GLIS1: variants seen among roughly 807,000 people sequenced by gnomAD.
The protein encoded by GLIS1 is zinc finger protein GLIS1.
Under a neutral mutation model 63.8 loss-of-function variants are expected in GLIS1, and 24 were observed. The ratio of observed to expected loss-of-function variants is 0.38; its 90% CI spans 0.27 to 0.53. The LOEUF (loss-of-function observed/expected upper bound fraction) is 0.53. Ranked by LOEUF, GLIS1 falls within the 20% of genes least tolerant of loss-of-function variation. The pLI is 0.85. For synonymous variants in GLIS1, 450 were observed against 482.5 expected, an observed-to-expected ratio of 0.93 and a Z score of 0.88; for missense variants, 1,036 against 1,074.1, an observed-to-expected ratio of 0.96 and a Z score of 0.50.
In GLIS1 at chr1:53,574,755, G is replaced by T. The variant is rs894842352; in HGVS notation, c.1320+19353C>A. On this transcript the variant is annotated intron_variant, in intron 4 of 10. Coordinates refer to ENST00000628545, the MANE Select transcript of GLIS1 (RefSeq NM_001367484.1). The surrounding 1 kb of genome is among the most constrained non-coding windows in gnomAD (Gnocchi z 4.2). ...ATTCCAGCTGTACCATTAGCAAGGG[G>T]CACTGTGATCCTCATGGGGCCATGG... 5.9e-5 allele frequency among the ~76,000 whole-genome samples: 9 copies of T among 152,210 alleles called. No homozygotes were observed. Among genetic ancestry groups the T allele is most frequent in the African/African-American group, 2.2e-4 (9 of 41,444 alleles).
In GLIS1 at chr1:53,593,970, G is replaced by A. The variant is rs77718260; in HGVS notation, c.1320+138C>T. 2.1e-4 allele frequency: 215 copies of A among 1,035,492 alleles called. No individual in the cohort carries two copies. In the African/African-American group the frequency reaches 3.2e-3, roughly 15 times the overall value. The allele number at this position is 1,035,492 out of a possible 1,614,324, so 64.1% of individuals were successfully genotyped here. On this transcript the variant is annotated intron_variant, in intron 4 of 10. Coordinates refer to ENST00000628545, the MANE Select transcript of GLIS1 (RefSeq NM_001367484.1). The stretch of plus-strand genomic sequence containing the variant: ...TGACCAGGGGCCACATCCACAGCAT[G>A]GGTCCTTTCCTCCTCAACCACAGGG...
At chr1:53,727,519 G>A (rs556846749) in intron 2 of GLIS1, among the ~76,000 whole-genome samples, 3 of 152,228 alleles carry the variant, frequency 2.0e-5, no homozygotes, top group African/African-American at 7.2e-5. Context: ...AAGATGAGAC[G>A]CGTGTCACAG....
chr1:53,513,799 G>C (rs922965372), intron 8 of GLIS1, among the ~76,000 whole-genome samples: 4 of 152,230 alleles, frequency 2.6e-5, no homozygotes, highest in Non-Finnish European at 5.9e-5. Context: ...GTAATAATAG[G>C]AGCAGTGGGC....
chr1:53,623,597 T>C (rs1183034984), intron 2 of GLIS1, among the ~76,000 whole-genome samples: 1 of 152,182 alleles, frequency 6.6e-6, no homozygotes, highest in Non-Finnish European at 1.5e-5. Flanking sequence ...CATAACTCTT[T>C]AACCTCAGAT....
chr1:53,734,425 G>A (rs1255625759), intron 2 of GLIS1, among the ~76,000 whole-genome samples: 2 of 152,204 alleles, frequency 1.3e-5, no homozygotes, highest in African/African-American at 4.8e-5. Flanking sequence ...GCCTTCGTGT[G>A]AATGCCAGCT....
At chr1:53,682,511 G>A (rs1435351425) in intron 2 of GLIS1, among the ~76,000 whole-genome samples, 2 of 152,258 alleles carry the variant, frequency 1.3e-5, no homozygotes, top group African/African-American at 4.8e-5. Context: ...CTGAGGCACA[G>A]GCAGATGGCA....
At chr1:53,657,184 C>T (rs565258489) in intron 2 of GLIS1, among the ~76,000 whole-genome samples, 14 of 152,274 alleles carry the variant, frequency 9.2e-5, no homozygotes, top group African/African-American at 3.1e-4. Flanking sequence ...TCTTAATGAG[C>T]TCAACATATG....
chr1:53,615,912 C>T (rs2100584605), intron 2 of GLIS1, among the ~76,000 whole-genome samples: 1 of 152,110 alleles, frequency 6.6e-6, no homozygotes, highest in Non-Finnish European at 1.5e-5. Flanking sequence ...CCACACCTGG[C>T]TAATTTTTGT....
chr1:53,535,932 A>AC (rs2100351045), intron 4 of GLIS1, among the ~76,000 whole-genome samples: 1 of 151,296 alleles, frequency 6.6e-6, no homozygotes, highest in African/African-American at 2.4e-5. Context: ...GTACCCTCCA[A>AC]CCCCCGTACC....
chr1:53,530,104 T>G, intron 4 of GLIS1, 152 bp from the exon 5 acceptor site: 2 of 684,572 alleles, frequency 2.9e-6, no homozygotes, highest in East Asian at 2.8e-5. Context: ...CCCCATGAAG[T>G]GCTCAGGGCC....
rs574657188 is a variant in GLIS1, at chr1:53,653,577, T to C, written c.260-53299A>G. Among the ~76,000 whole-genome samples, 6 of 152,348 alleles carry C rather than the reference T, an allele frequency of 3.9e-5. No homozygotes were observed. In the East Asian group the frequency reaches 9.6e-4, roughly 24 times the overall value. On this transcript the variant is annotated intron_variant, in intron 2 of 10. Coordinates refer to ENST00000628545, the MANE Select transcript of GLIS1 (RefSeq NM_001367484.1). ...GGGTATCTTTACCCAGATCTCCTCTTGGCCTCTACCTCTTCTTTCTTTCCT... is the reference window on the plus strand; with the variant it reads ...GGGTATCTTTACCCAGATCTCCTCTCGGCCTCTACCTCTTCTTTCTTTCCT...
chr1:53,673,845 G>A (rs1327045340), intron 2 of GLIS1, among the ~76,000 whole-genome samples: 1 of 152,198 alleles, frequency 6.6e-6, no homozygotes, highest in African/African-American at 2.4e-5. Flanking sequence ...ATGGAAGCCT[G>A]TGTGGTCTGA....
At chr1:53,701,254 A>C (rs1646519956) in intron 2 of GLIS1, among the ~76,000 whole-genome samples, 1 of 152,170 alleles carries the variant, frequency 6.6e-6, no homozygotes, top group African/African-American at 2.4e-5. Context: ...GGGAATAAGG[A>C]TTCCAATTGT....
At chr1:53,547,858 T>C (rs1049766123) in intron 4 of GLIS1, among the ~76,000 whole-genome samples, 2 of 152,214 alleles carry the variant, frequency 1.3e-5, no homozygotes, top group Non-Finnish European at 2.9e-5. Context: ...TCCATTTTAT[T>C]GGAGCAGCCA....
chr1:53,738,030 T>G lies in GLIS1; in HGVS notation c.35A>C (p.Lys12Thr). Residue 12 changes from lysine to threonine, a missense_variant, in exon 2 of 11, where the codon AAG becomes ACG. Lys to Thr is a moderately conservative substitution (Grantham distance 78). Transcript: ENST00000628545. Reference sequence around the variant, plus strand: ...CGCACCAGGGGCCTCCTTAGGCCTCTTGTCCGAGTGTGCCTCAGCCACCTC... The same window carrying G: ...CGCACCAGGGGCCTCCTTAGGCCTCGTGTCCGAGTGTGCCTCAGCCACCTC... ...HCEVAEAHSD[K>T]RPKEAPGAPG... 8.1e-7 allele frequency: 1 copy of G among 1,230,748 alleles called. No homozygotes were observed. The allele number at this position is 1,230,748 out of a possible 1,614,324, so 76.2% of individuals were successfully genotyped here.
intron 2 of GLIS1, among the ~76,000 whole-genome samples, chr1:53,725,427 T>C (rs1646795918): frequency 1.3e-5 from 2 of 152,178 alleles, no homozygotes; most frequent in Non-Finnish European, 1.5e-5. Context: ...GTTTCCATTC[T>C]GTGACTCAGC....
intron 2 of GLIS1, among the ~76,000 whole-genome samples, chr1:53,647,846 T>C (rs919602981): frequency 2.0e-5 from 3 of 152,042 alleles, no homozygotes; most frequent in African/African-American, 7.2e-5. Flanking sequence ...TACATGAAGA[T>C]CTTCTACACG....
chr1:53,655,350 A>G (rs550041650), intron 2 of GLIS1, among the ~76,000 whole-genome samples: 3 of 152,296 alleles, frequency 2.0e-5, no homozygotes, highest in Non-Finnish European at 4.4e-5. Flanking sequence ...TCATATCCCA[A>G]TCTGGAGAAA....
intron 2 of GLIS1, among the ~76,000 whole-genome samples, chr1:53,647,949 A>G (rs1266553990): frequency 2.0e-5 from 3 of 152,216 alleles, no homozygotes; most frequent in African/African-American, 7.2e-5. Context: ...AGGCAGGAGG[A>G]TCACTTGAGC....
Sources: gnomAD v4.1 joint callset for allele counts (sites outside exome capture counted in the v4.1 genomes callset) on GRCh38, gnomAD v4.1.1 for gene constraint, Gnocchi (gnomAD v3.1) non-coding constraint, MANE v1.5 for transcripts, NCBI Gene and HGNC (gene_info 2026-07-23, HGNC 2026-07-21) for gene names.